The following SLC41A3 variants were observed in gnomAD, a reference collection of about 807,000 sequenced individuals.
SLC41A3 encodes the protein solute carrier family 41 member 3.
Under a neutral mutation model 45.4 loss-of-function variants are expected in SLC41A3, and 44 were observed. That is an observed-to-expected ratio of 0.97 (90% CI 0.76 to 1.25). The LOEUF is 1.25. Ranked by LOEUF, SLC41A3 falls within the 50% of genes most tolerant of loss-of-function variation. The probability of loss-of-function intolerance (pLI) is 0.00; values close to 1 mark genes in which losing one functional copy is unlikely to be tolerated. For synonymous variants in SLC41A3, 256 were observed against 252.4 expected (o/e 1.01, Z -0.13); for missense variants, 550 against 600.6 (o/e 0.92, Z 0.88).
At chr3:126,032,044 G>A (rs1389993514) in intron 4 of SLC41A3, among the ~76,000 whole-genome samples, 1 of 152,232 alleles carries the variant, frequency 6.6e-6, no homozygotes, top group East Asian at 1.9e-4. Context: ...ACACCTGAGT[G>A]GAGCCTTTAA....
At chr3:126,053,351 T>C (rs1414516767) in intron 2 of SLC41A3, among the ~76,000 whole-genome samples, 1 of 152,176 alleles carries the variant, frequency 6.6e-6, no homozygotes, top group Admixed American at 6.5e-5. Flanking sequence ...CTGCCAACAC[T>C]TTCATCTCAG....
intron 4 of SLC41A3, among the ~76,000 whole-genome samples, chr3:126,029,474 C>A (rs533369687): frequency 6.6e-6 from 1 of 150,894 alleles, no homozygotes; most frequent in South Asian, 2.1e-4. Flanking sequence ...AGAAGCCAAG[C>A]AGATCCCAGT....
intron 1 of SLC41A3, among the ~76,000 whole-genome samples, chr3:126,100,415 T>C (rs1945686008): frequency 6.6e-6 from 1 of 152,146 alleles, no homozygotes; most frequent in Non-Finnish European, 1.5e-5. Flanking sequence ...CCTATCCCAG[T>C]TGGATGAAGT....
chr3:126,045,355 TC>T (rs1419036956), intron 3 of SLC41A3, among the ~76,000 whole-genome samples: 2 of 23,056 alleles, frequency 8.7e-5, no homozygotes, highest in African/African-American at 1.4e-4. Flanking sequence ...GATTGGTTCC[TC>T]AAAAAAAAAA....
At chr3:126,079,598 G>A (rs902386240) in intron 1 of SLC41A3, among the ~76,000 whole-genome samples, 19 of 152,098 alleles carry the variant, frequency 1.2e-4, no homozygotes, top group Non-Finnish European at 2.2e-4. Flanking sequence ...AATGAAAGCC[G>A]ATGGAAAGAT....
At chr3:126,051,299 G>C (rs538577110) in intron 2 of SLC41A3, among the ~76,000 whole-genome samples, 2 of 152,238 alleles carry the variant, frequency 1.3e-5, no homozygotes, top group African/African-American at 4.8e-5. Flanking sequence ...GGAGGCCAGC[G>C]GGTGGCAGCC....
At chr3:126,047,072 A>G (rs1251456313) in intron 3 of SLC41A3, among the ~76,000 whole-genome samples, 1 of 151,914 alleles carries the variant, frequency 6.6e-6, no homozygotes, top group African/African-American at 2.4e-5. Flanking sequence ...AAGCAAAAAA[A>G]CTAAATGCTG....
At chr3:126,101,477 G>A (rs1393091287) in exon 1 of SLC41A3, 1 of 152,270 alleles carries the variant, frequency 6.6e-6, no homozygotes, top group Non-Finnish European at 1.5e-5. Context: ...CTGGAAAGCT[G>A]GGTCCAGTCT....
chr3:126,095,999 T>C (rs952786854), intron 1 of SLC41A3, among the ~76,000 whole-genome samples: 1 of 152,206 alleles, frequency 6.6e-6, no homozygotes, highest in Non-Finnish European at 1.5e-5. Flanking sequence ...GTGGAAACTA[T>C]TAATAGCTTT....
intron 3 of SLC41A3, among the ~76,000 whole-genome samples, chr3:126,041,863 G>GT (rs11459377): frequency 0.33 from 50,623 of 152,034 alleles, 8,626 homozygotes; most frequent in Middle Eastern, 0.44. Flanking sequence ...TCAGAAACCA[G>GT]TTAAGATCTG....
intron 3 of SLC41A3, among the ~76,000 whole-genome samples, chr3:126,047,016 T>C (rs1277492384): frequency 2.7e-5 from 4 of 148,714 alleles, no homozygotes; most frequent in African/African-American, 9.9e-5. Context: ...CTGAAGAATC[T>C]ACAAATTTAA....
Position 126,026,608 on chromosome 3 carries a change from A to C in SLC41A3, c.454-129T>G. 4.9e-6 allele frequency: 6 copies of C among 1,227,476 alleles called. No individual in the cohort carries two copies. The highest frequency in any genetic ancestry group is 1.5e-5 in the South Asian group (1 of 65,702). 76.0% of individuals were successfully genotyped at this position (1,227,476 alleles called of 1,614,324 possible). ...ACTGCCTCCTTTCCCTTACCCTAAAATCTCACAGGCCCTCACCCCAGGAAA... is the reference window on the plus strand; with the variant it reads ...ACTGCCTCCTTTCCCTTACCCTAAACTCTCACAGGCCCTCACCCCAGGAAA... On this transcript the variant is annotated intron_variant, in intron 4 of 10. Transcript: ENST00000360370. The surrounding 1 kb of genome is among the most constrained non-coding windows in gnomAD (Gnocchi z 4.2).
At chr3:126,056,805 T>C in intron 2 of SLC41A3, 1 of 1,305,612 alleles carries the variant, frequency 7.7e-7, no homozygotes, top group Non-Finnish European at 9.8e-7. Context: ...GGCCCTGCTG[T>C]CCCTCCCTGA....
At chr3:126,058,124 T>G (rs1460881523) in intron 2 of SLC41A3, 1 of 152,314 alleles carries the variant, frequency 6.6e-6, no homozygotes, top group East Asian at 1.9e-4. Flanking sequence ...TGGGCCGTCT[T>G]GGGCTGGCCC....
intron 1 of SLC41A3, among the ~76,000 whole-genome samples, chr3:126,081,444 C>T (rs1945148113): frequency 6.6e-6 from 1 of 152,192 alleles, no homozygotes; most frequent in Non-Finnish European, 1.5e-5. Flanking sequence ...TGAATCAATA[C>T]AGTGACTATA....
At chr3:126,066,562 T>C (rs1944354774) in intron 2 of SLC41A3, among the ~76,000 whole-genome samples, 1 of 152,220 alleles carries the variant, frequency 6.6e-6, no homozygotes, top group Non-Finnish European at 1.5e-5. Context: ...CCTGTGTTGA[T>C]GAGTGTTGGG....
chr3:126,085,723 T>C (rs577001272), upstream of SLC41A3, among the ~76,000 whole-genome samples: 3 of 152,194 alleles, frequency 2.0e-5, no homozygotes, highest in East Asian at 5.8e-4. Context: ...TTTTCATAGG[T>C]AAATGAGAGA....
At chr3:126,057,364 G>C (rs1943737096) in intron 2 of SLC41A3, among the ~76,000 whole-genome samples, 1 of 152,220 alleles carries the variant, frequency 6.6e-6, no homozygotes, top group African/African-American at 2.4e-5. Context: ...TCCTCACCCA[G>C]AGAAGGAGAA....
chr3:126,021,721 C>T (rs1460049616), intron 6 of SLC41A3, among the ~76,000 whole-genome samples: 1 of 152,162 alleles, frequency 6.6e-6, no homozygotes, highest in Non-Finnish European at 1.5e-5. Flanking sequence ...GTCTAACACC[C>T]TATTCTATGA....
Sources: allele counts gnomAD v4.1 joint callset (sites outside exome capture counted in the v4.1 genomes callset), GRCh38; gene constraint gnomAD v4.1.1; non-coding constraint Gnocchi (gnomAD v3.1); transcripts MANE v1.5; gene names NCBI Gene and HGNC (gene_info 2026-07-23, HGNC 2026-07-21).